The following EYS variants were observed in gnomAD, a reference collection of about 807,000 sequenced individuals.
EYS encodes protein eyes shut homolog.
A neutral mutation model predicts 282.1 loss-of-function variants in EYS; 250 were observed. That is an observed-to-expected ratio of 0.89 (90% CI 0.80 to 0.98). The LOEUF is 0.98. Ranked by LOEUF, EYS falls within the 50% of genes least tolerant of loss-of-function variation. The probability of loss-of-function intolerance (pLI) is 0.00; values close to 1 mark genes in which losing one functional copy is unlikely to be tolerated. For synonymous variants in EYS, 1,355 were observed against 1,282.9 expected, an observed-to-expected ratio of 1.06 and a Z score of -1.20; for missense variants, 4,016 against 3,709.0, an observed-to-expected ratio of 1.08 and a Z score of -2.15.
intron 12 of EYS, among the ~76,000 whole-genome samples, chr6:65,280,707 TCATCTGATA>T (rs1481782240): frequency 6.6e-6 from 1 of 151,922 alleles, no homozygotes; most frequent in East Asian, 1.9e-4. Flanking sequence ...TGATATTAAT[TCATCTGATA>T]CATAGAAATA....
At chr6:64,236,212 C>T (rs560974184) in intron 30 of EYS, among the ~76,000 whole-genome samples, 1 of 152,264 alleles carries the variant, frequency 6.6e-6, no homozygotes, top group Admixed American at 6.5e-5. Flanking sequence ...TGACCTTGTG[C>T]TCCATCCGCC....
chr6:64,850,331 T>A (rs1384640727), intron 19 of EYS, among the ~76,000 whole-genome samples: 1 of 152,134 alleles, frequency 6.6e-6, no homozygotes, highest in Non-Finnish European at 1.5e-5. Context: ...TCCATGTTTA[T>A]TCACTCTGTG....
intron 1 of EYS, among the ~76,000 whole-genome samples, chr6:65,652,533 A>G (rs372380476): frequency 6.6e-6 from 1 of 152,036 alleles, no homozygotes; most frequent in Non-Finnish European, 1.5e-5. Context: ...AATCACAGAA[A>G]GGACTGATTC....
At chr6:65,513,818 A>T (rs1018569445) in intron 2 of EYS, among the ~76,000 whole-genome samples, 7 of 150,932 alleles carry the variant, frequency 4.6e-5, no homozygotes, top group Non-Finnish European at 1.0e-4. Context: ...TCTATGACAA[A>T]CCCACAGCCG....
chr6:65,633,484 A>G (rs1023983176), intron 2 of EYS, among the ~76,000 whole-genome samples: 1 of 152,176 alleles, frequency 6.6e-6, no homozygotes, highest in Non-Finnish European at 1.5e-5. Context: ...TAATCTGTAG[A>G]GGTAGGCGAA....
At chr6:64,308,845 C>T (rs1208567440) in intron 29 of EYS, among the ~76,000 whole-genome samples, 1 of 152,010 alleles carries the variant, frequency 6.6e-6, no homozygotes, top group Non-Finnish European at 1.5e-5. Flanking sequence ...AGTAAGTTTA[C>T]AAACAAGTCA....
Position 64,912,545 on chromosome 6 carries a change from G to A in EYS, c.2580C>T (p.Cys860=), listed in dbSNP as rs1768032075. Residue 860 remains cysteine, a synonymous_variant, in exon 16 of 43, where the codon TGC becomes TGT. Coordinates refer to ENST00000503581, the MANE Select transcript of EYS (RefSeq NM_001142800.2). ...AAGCTAAGCATGTTGAGTTGTTTCT[G>A]CAAGGGTTATGAAGTAGGTCACAAA... The part of the protein sequence containing the change: ...YNLCDLLHNP[C]RNNSTCLALV... The A allele has an allele frequency of 6.4e-7, 1 of 1,551,278 alleles. No individual in the cohort carries two copies. The highest frequency in any genetic ancestry group is 8.7e-7 in the Non-Finnish European group (1 of 1,146,668).
At chr6:65,458,154 T>C (rs1447093441) in intron 5 of EYS, among the ~76,000 whole-genome samples, 1 of 152,174 alleles carries the variant, frequency 6.6e-6, no homozygotes, top group Non-Finnish European at 1.5e-5. Flanking sequence ...TGCAACCTCC[T>C]AAACTCTGAA....
intron 5 of EYS, among the ~76,000 whole-genome samples, chr6:65,469,619 G>A (rs1306801829): frequency 6.6e-6 from 1 of 151,870 alleles, no homozygotes; most frequent in African/African-American, 2.4e-5. Context: ...ATTCTTCTCT[G>A]TATTTTTTAT....
intron 26 of EYS, among the ~76,000 whole-genome samples, chr6:64,555,958 A>G (rs146466545): frequency 1.3e-5 from 2 of 152,120 alleles, no homozygotes; most frequent in African/African-American, 4.8e-5. Flanking sequence ...CTAGAATAGC[A>G]AAAATTAAAA....
intron 22 of EYS, among the ~76,000 whole-genome samples, chr6:64,699,470 TTAAAA>T (rs1770707151): frequency 6.6e-6 from 1 of 151,918 alleles, no homozygotes; most frequent in African/African-American, 2.4e-5. Context: ...ACCCCCAAAC[TTAAAA>T]TAAAAGTTAA....
Position 64,068,604 on chromosome 6 carries a change from T to C in EYS, c.6572-2113A>G, listed in dbSNP as rs192946160. 3.2e-3 allele frequency among the ~76,000 whole-genome samples: 494 copies of C among 152,122 alleles called. 1 individual carries two copies. Among genetic ancestry groups the C allele is most frequent in the African/African-American group, 0.011 (461 of 41,514 alleles). ...CAGCACACCATCGCACATGTAAACA[T>C]GTGTAACAAACCTGCAGTTTGTGCA... On this transcript the variant is annotated intron_variant, in intron 32 of 42. Coordinates refer to ENST00000503581, the MANE Select transcript of EYS (RefSeq NM_001142800.2).
At chr6:64,549,253 T>C (rs1405743524) in intron 26 of EYS, among the ~76,000 whole-genome samples, 2 of 152,180 alleles carry the variant, frequency 1.3e-5, no homozygotes, top group African/African-American at 4.8e-5. Context: ...CACCGTATCA[T>C]AAGCAAAGGA....
intron 26 of EYS, among the ~76,000 whole-genome samples, chr6:64,460,269 TTATGC>T (rs1338936725): frequency 6.6e-6 from 1 of 152,212 alleles, no homozygotes; most frequent in African/African-American, 2.4e-5. Context: ...GCCATTGGAT[TTATGC>T]TATAATGATT....
rs529959507 is a variant in EYS at position 65,317,573 on chromosome 6, T to A, written c.1766+17407A>T. Among the ~76,000 whole-genome samples the A allele has an allele frequency of 2.5e-4, 38 of 152,290 alleles. No homozygotes were observed. In the South Asian group the frequency reaches 4.1e-3, roughly 17 times the overall value. ...GGCTTAAAAGAACAAACATTTAGTA[T>A]CTCATGCAATTTCTGAGGCAAGGAA... On this transcript the variant is annotated intron_variant, in intron 11 of 42. Coordinates refer to ENST00000503581, the MANE Select transcript of EYS (RefSeq NM_001142800.2).
chr6:65,568,298 T>C (rs1764354311), intron 2 of EYS, among the ~76,000 whole-genome samples: 1 of 77,992 alleles, frequency 1.3e-5, no homozygotes, highest in Admixed American at 1.8e-4. Flanking sequence ...TTTCTTTTTT[T>C]CTTTTTTTTC....
chr6:63,846,267 T>G (rs1772095214), intron 36 of EYS, among the ~76,000 whole-genome samples: 1 of 152,136 alleles, frequency 6.6e-6, no homozygotes, highest in African/African-American at 2.4e-5. Flanking sequence ...CACTGTGGTA[T>G]TCCTCCGGGA....
At chr6:64,941,284 G>A (rs1423405440) in intron 15 of EYS, among the ~76,000 whole-genome samples, 1 of 151,976 alleles carries the variant, frequency 6.6e-6, no homozygotes, top group Non-Finnish European at 1.5e-5. Flanking sequence ...GGAGGCTGAG[G>A]CAGGAGAATT....
At chr6:65,401,551 A>G (rs139861560) in intron 7 of EYS, among the ~76,000 whole-genome samples, 270 of 151,970 alleles carry the variant, frequency 1.8e-3, no homozygotes, top group African/African-American at 6.3e-3. Flanking sequence ...AGGCATGCAA[A>G]AATTTGACAG....
Sources: allele counts gnomAD v4.1 joint callset (sites outside exome capture counted in the v4.1 genomes callset), GRCh38; gene constraint gnomAD v4.1.1; transcripts MANE v1.5; gene names NCBI Gene and HGNC (gene_info 2026-07-23, HGNC 2026-07-21).